Variants in GJA5 observed in about 807,000 individuals in gnomAD.
GJA5 encodes gap junction protein alpha 5, also known as gap junction alpha-5 protein.
In GJA5, 3 loss-of-function variants were observed where a neutral mutation model predicts 7.9. That is an observed-to-expected ratio of 0.38 (90% CI 0.17 to 0.99). The LOEUF is 0.99. Among genes scored for constraint, GJA5 ranks in the 50% least tolerant of loss-of-function variants. The pLI is 0.38. For synonymous variants in GJA5, 193 were observed against 181.0 expected, an observed-to-expected ratio of 1.07 and a Z score of -0.53; for missense variants, 390 against 457.9, an observed-to-expected ratio of 0.85 and a Z score of 1.35.
intron 1 of GJA5, among the ~76,000 whole-genome samples, chr1:147,772,807 C>CAAAAAAAAA (rs1553229221): frequency 2.9e-5 from 2 of 70,112 alleles, no homozygotes. Context: ...AAAAAAAAAG[C>CAAAAAAAAA]AAAACACTCC....
chr1:147,758,444 G>A lies in GJA5; in HGVS notation c.795C>T (p.Pro265=), dbSNP rs782114690. 36 of 1,613,894 alleles carry A rather than the reference G, an allele frequency of 2.2e-5. No individual in the cohort carries two copies. The highest frequency in any genetic ancestry group is 2.9e-5 in the Non-Finnish European group (34 of 1,179,898). Residue 265 remains proline, a synonymous_variant, in exon 2 of 2, where the codon CCC becomes CCT. Coordinates refer to ENST00000579774, the MANE Select transcript of GJA5 (RefSeq NM_181703.4). ...VGIVQSCTPP[P]DFNQCLENGP... ...CATTCTCCAGGCACTGATTAAAGTC[G>A]GGGGGTGGTGTGCAGCTCTGGACTA...
At chr1:147,770,935 C>T (rs190835045) in intron 1 of GJA5, among the ~76,000 whole-genome samples, 1 of 152,328 alleles carries the variant, frequency 6.6e-6, no homozygotes, top group Non-Finnish European at 1.5e-5. Context: ...ATGGTCATCT[C>T]TCCCCTTTGT....
intron 1 of GJA5, among the ~76,000 whole-genome samples, chr1:147,769,879 T>C (rs990224662): frequency 1.2e-4 from 18 of 152,084 alleles, no homozygotes; most frequent in African/African-American, 4.3e-4. Context: ...CTCAAGATTT[T>C]GGGCCTGGAG....
upstream of GJA5, chr1:147,760,698 A>G (rs1001508745): frequency 2.2e-4 from 34 of 152,254 alleles, no homozygotes; most frequent in Admixed American, 2.1e-3. Flanking sequence ...TAGAAAACCA[A>G]TTCCCTGTTT....
chr1:147,769,344 C>T (rs977061390), intron 1 of GJA5, among the ~76,000 whole-genome samples: 1 of 152,202 alleles, frequency 6.6e-6, no homozygotes, highest in Non-Finnish European at 1.5e-5. Context: ...GAGGAACTTC[C>T]GGTCTCTAAG....
In GJA5 at chr1:147,758,914, G is replaced by T. The variant is rs782392307; in HGVS notation, c.325C>A (p.Arg109=). Residue 109 remains arginine (R), a synonymous_variant, in exon 2 of 2, where the codon CGG becomes AGG. Transcript: ENST00000579774. ...TVRMQEKRKL[R]EAERAKEVRG... is the part of the protein sequence containing the mutation. ...ACCTCTTTGGCCCTCTCGGCCTCCC[G>T]TAGCTTGCGCTTCTCCTGCATGCGC... 2 of 1,614,222 alleles carry T rather than the reference G, an allele frequency of 1.2e-6. No homozygotes were observed. Among genetic ancestry groups the T allele is most frequent in the East Asian group, 2.2e-5 (1 of 44,880 alleles).
chr1:147,765,015 T>G (rs1011879178), upstream of GJA5, among the ~76,000 whole-genome samples: 3 of 152,198 alleles, frequency 2.0e-5, no homozygotes, highest in South Asian at 6.2e-4. Flanking sequence ...AAGAAAATGT[T>G]TGGCTAGCAG....
At chr1:147,764,012 T>C (rs1314633677), upstream of GJA5, among the ~76,000 whole-genome samples, 3 of 152,168 alleles carry the variant, frequency 2.0e-5, no homozygotes, top group Admixed American at 1.3e-4. Context: ...GGTTTCACCA[T>C]GTTGGCCAGG....
rs185068251 is a variant in GJA5 at position 147,772,470 on chromosome 1, G to T, written c.-34+782C>A. Among the ~76,000 whole-genome samples, 213 of 152,264 alleles carry T rather than the reference G, an allele frequency of 1.4e-3. 1 individual carries two copies. The East Asian group carries it at 0.019, about 14-fold the overall frequency. The stretch of plus-strand genomic sequence containing the variant: ...CCATTTTATAGATGAGGAAACCGAG[G>T]CCCAGCATGGGGATGTGTCTGCTAC... On this transcript the variant is annotated intron_variant, in intron 1 of 1. Coordinates refer to the GJA5 transcript ENST00000430508.
chr1:147,770,851 C>T (rs1327237988), intron 1 of GJA5, among the ~76,000 whole-genome samples: 4 of 152,176 alleles, frequency 2.6e-5, no homozygotes, highest in Admixed American at 6.5e-5. Flanking sequence ...GCTGGCATCA[C>T]CAGGAGCCAG....
At position 147,758,660 on chromosome 1, in the gene GJA5, C is replaced by T. The variant is rs1553226934; in HGVS notation, c.579G>A (p.Pro193=). The T allele has an allele frequency of 1.9e-6, 3 of 1,613,978 alleles. No homozygotes were observed. The highest frequency in any genetic ancestry group is 1.7e-6 in the Non-Finnish European group (2 of 1,180,002). Residue 193 remains proline, a synonymous_variant, in exon 2 of 2, where the codon CCG becomes CCA. Transcript: ENST00000579774. ...HVCRRSPCPH[P]VNCYVSRPTE... is the part of the protein sequence containing the mutation. The stretch of plus-strand genomic sequence containing the variant: ...TGGGCCGGGATACGTAACAGTTGAC[C>T]GGGTGGGGACAGGGACTCCTGCGGC...
upstream of GJA5, among the ~76,000 whole-genome samples, chr1:147,765,265 C>G (rs1367691343): frequency 6.6e-6 from 1 of 152,124 alleles, no homozygotes; most frequent in Non-Finnish European, 1.5e-5. Context: ...CTCATAACCA[C>G]TCTGTGGGGT....
Position 147,758,661 on chromosome 1 carries a change from G to A in GJA5, c.578C>T (p.Pro193Leu), listed in dbSNP as rs985942801. The part of the protein sequence containing the change: ...HVCRRSPCPH[P>L]VNCYVSRPTE... ...GGGCCGGGATACGTAACAGTTGACCGGGTGGGGACAGGGACTCCTGCGGCA... is the reference window on the plus strand; with the variant it reads ...GGGCCGGGATACGTAACAGTTGACCAGGTGGGGACAGGGACTCCTGCGGCA... Residue 193 changes from proline (P) to leucine (L), a missense_variant, in exon 2 of 2, where the codon CCG becomes CTG. By Grantham distance (98) the Pro-to-Leu change is moderately conservative. This residue lies in a region of GJA5 where 354 missense variants were observed against 370.9 expected (regional missense o/e 0.95). Coordinates refer to ENST00000579774, the MANE Select transcript of GJA5 (RefSeq NM_181703.4). 4.3e-6 allele frequency: 7 copies of A among 1,614,010 alleles called. No homozygotes were observed. Among genetic ancestry groups the A allele is most frequent in the Admixed American group, 1.7e-5 (1 of 60,008 alleles).
At chr1:147,771,532 A>C (rs1273205759) in intron 1 of GJA5, among the ~76,000 whole-genome samples, 2 of 152,202 alleles carry the variant, frequency 1.3e-5, no homozygotes, top group East Asian at 3.9e-4. Context: ...CTCAGACCTT[A>C]GGCAGTACTA....
At chr1:147,770,181 A>C (rs190821242) in intron 1 of GJA5, among the ~76,000 whole-genome samples, 17 of 152,296 alleles carry the variant, frequency 1.1e-4, no homozygotes, top group Admixed American at 5.2e-4. Flanking sequence ...ATGCAATGTT[A>C]TCATTTCATG....
upstream of GJA5, among the ~76,000 whole-genome samples, chr1:147,762,570 G>A (rs1432150446): frequency 1.2e-4 from 19 of 152,174 alleles, no homozygotes; most frequent in African/African-American, 4.6e-4. Flanking sequence ...TATTGGGAGG[G>A]AAAAAGAGAA....
upstream of GJA5, among the ~76,000 whole-genome samples, chr1:147,763,884 A>G (rs1308368850): frequency 6.6e-6 from 1 of 152,058 alleles, no homozygotes; most frequent in African/African-American, 2.4e-5. Context: ...ATCTCAGCTC[A>G]CTGCAACCTC....
intron 1 of GJA5, among the ~76,000 whole-genome samples, chr1:147,770,447 C>T: frequency 6.6e-6 from 1 of 152,028 alleles, no homozygotes; most frequent in East Asian, 1.9e-4. Flanking sequence ...AAAAAAAAAT[C>T]TGTGGTCATA....
At chr1:147,772,966 A>G (rs1457268190) in intron 1 of GJA5, among the ~76,000 whole-genome samples, 1 of 152,162 alleles carries the variant, frequency 6.6e-6, no homozygotes, top group African/African-American at 2.4e-5. Context: ...ATGCCCCCAG[A>G]GGACTGAACT....
Sources: allele counts gnomAD v4.1 joint callset (sites outside exome capture counted in the v4.1 genomes callset), GRCh38; gene constraint gnomAD v4.1.1; regional missense constraint gnomAD v4.1.1; transcripts MANE v1.5; gene names NCBI Gene and HGNC (gene_info 2026-07-23, HGNC 2026-07-21).